CNTN1: variants seen among roughly 807,000 people sequenced by gnomAD.
CNTN1 encodes the protein contactin 1.
CNTN1 carries 38 observed loss-of-function variants against 126.4 expected under a neutral mutation model. That is an observed-to-expected ratio of 0.30 (90% CI 0.23 to 0.39). The LOEUF (loss-of-function observed/expected upper bound fraction) is 0.39. CNTN1 is among the 10% of genes least tolerant of loss of function. CNTN1 has a pLI of 1.00. For synonymous variants in CNTN1, 413 were observed against 422.6 expected (o/e 0.98, Z 0.28); for missense variants, 1,009 against 1,248.4 (o/e 0.81, Z 2.89).
chr12:40,873,453 A>G (rs1592188918), intron 1 of CNTN1, among the ~76,000 whole-genome samples: 1 of 152,320 alleles, frequency 6.6e-6, no homozygotes, highest in East Asian at 1.9e-4. Flanking sequence ...TTTGATTATA[A>G]CACATGTATT....
chr12:40,821,977 T>A (rs1390164922), intron 1 of CNTN1, among the ~76,000 whole-genome samples: 4 of 151,896 alleles, frequency 2.6e-5, no homozygotes, highest in African/African-American at 7.2e-5. Flanking sequence ...AAATCAAAAT[T>A]TGTGTTCCAC....
chr12:40,744,304 T>TTAAATA (rs1555149298), intron 1 of CNTN1, among the ~76,000 whole-genome samples: 1 of 145,802 alleles, frequency 6.9e-6, no homozygotes, highest in Non-Finnish European at 1.5e-5. Context: ...TTAAATTAAA[T>TTAAATA]AAAAAAAAAA....
At chr12:40,927,548 G>T (rs779535549) in intron 6 of CNTN1, among the ~76,000 whole-genome samples, 2 of 152,026 alleles carry the variant, frequency 1.3e-5, no homozygotes, top group Non-Finnish European at 2.9e-5. Context: ...TTTAAAAATG[G>T]CAAGAGCCAT....
chr12:41,007,145 C>T (rs887754830), intron 17 of CNTN1, among the ~76,000 whole-genome samples: 7 of 146,072 alleles, frequency 4.8e-5, no homozygotes, highest in East Asian at 2.0e-4. Context: ...CTGCAAGCTC[C>T]GCCTCCCGGG....
chr12:40,959,648 G>C (rs1947037417), intron 15 of CNTN1, among the ~76,000 whole-genome samples: 1 of 152,032 alleles, frequency 6.6e-6, no homozygotes, highest in South Asian at 2.1e-4. Flanking sequence ...TTGTCTTAGA[G>C]TGTAAAGTTA....
chr12:40,903,225 G>T (rs1321006904), intron 1 of CNTN1, among the ~76,000 whole-genome samples: 1 of 152,110 alleles, frequency 6.6e-6, no homozygotes, highest in Admixed American at 6.5e-5. Flanking sequence ...TGTACAAGAG[G>T]TCACAGGGCT....
At chr12:40,907,848 G>A (rs1490599786) in intron 1 of CNTN1, among the ~76,000 whole-genome samples, 1 of 152,138 alleles carries the variant, frequency 6.6e-6, no homozygotes, top group Non-Finnish European at 1.5e-5. Context: ...TTTTCCTTAA[G>A]CCACTAACAG....
In CNTN1 at chr12:40,935,944, A is replaced by G. The variant is rs151178194; in HGVS notation, c.986-837A>G. On this transcript the variant is annotated intron_variant, in intron 9 of 23. Coordinates refer to ENST00000551295, the MANE Select transcript of CNTN1 (RefSeq NM_001843.4). The stretch of plus-strand genomic sequence containing the variant: ...CATATATTGCTTTTGCCATAAAATT[A>G]ACACAAGTTCCCAGTTTCAAAGAAA... Among the ~76,000 whole-genome samples, 1,119 of 152,192 alleles carry G rather than the reference A, an allele frequency of 7.4e-3. 19 individuals carry two copies. Among genetic ancestry groups the G allele is most frequent in the African/African-American group, 0.025 (1,027 of 41,560 alleles).
At chr12:41,040,594 C>A (rs932803663) in intron 23 of CNTN1, among the ~76,000 whole-genome samples, 53 of 150,564 alleles carry the variant, frequency 3.5e-4, no homozygotes, top group Non-Finnish European at 2.1e-4. Context: ...TTTCATTGAG[C>A]AGTGGTTTGT....
intron 3 of CNTN1, among the ~76,000 whole-genome samples, chr12:40,912,673 G>A (rs1401614091): frequency 6.6e-6 from 1 of 151,720 alleles, no homozygotes; most frequent in East Asian, 1.9e-4. Flanking sequence ...CTGTAGGGAG[G>A]ACAGGTAGAA....
chr12:40,853,250 A>T (rs1044057305), intron 1 of CNTN1, among the ~76,000 whole-genome samples: 11 of 152,184 alleles, frequency 7.2e-5, no homozygotes, highest in African/African-American at 2.4e-4. Context: ...CCCTAAGAGC[A>T]AGAGGGAAGG....
chr12:41,030,637 T>A (rs1440657138), intron 23 of CNTN1, among the ~76,000 whole-genome samples: 10 of 152,180 alleles, frequency 6.6e-5, no homozygotes, highest in Middle Eastern at 3.4e-3. Flanking sequence ...CTCATTAAAG[T>A]TTTTTTCTAT....
At chr12:40,942,894 AAATGGATATAC>A (rs1566000523) in intron 12 of CNTN1, among the ~76,000 whole-genome samples, 4 of 152,244 alleles carry the variant, frequency 2.6e-5, no homozygotes, top group African/African-American at 9.6e-5. Flanking sequence ...TTTGCCCTTA[AAATGGATATAC>A]GTTTGCATGT....
At chr12:41,010,898 A>G (rs534275393) in intron 17 of CNTN1, among the ~76,000 whole-genome samples, 103 of 151,402 alleles carry the variant, frequency 6.8e-4, no homozygotes, top group Non-Finnish European at 1.0e-3. Context: ...TTCCCTTCCT[A>G]TCGGGAATGG....
intron 1 of CNTN1, among the ~76,000 whole-genome samples, chr12:40,735,692 G>C (rs1937644698): frequency 1.3e-5 from 2 of 152,076 alleles, no homozygotes; most frequent in Admixed American, 1.3e-4. Flanking sequence ...TTAAGATGAA[G>C]AGCTGTCAAA....
intron 3 of CNTN1, among the ~76,000 whole-genome samples, chr12:40,914,482 A>G (rs1432894393): frequency 6.6e-6 from 1 of 152,146 alleles, no homozygotes; most frequent in Non-Finnish European, 1.5e-5. Flanking sequence ...TAATTTCTAA[A>G]CCGTCAAACA....
intron 1 of CNTN1, among the ~76,000 whole-genome samples, chr12:40,774,743 G>T (rs1483552938): frequency 6.7e-6 from 1 of 150,084 alleles, no homozygotes; most frequent in Non-Finnish European, 1.5e-5. Flanking sequence ...TTTAAATTAT[G>T]CTTTTAGTCT....
chr12:40,934,972 A>G (rs1946029636), intron 9 of CNTN1, among the ~76,000 whole-genome samples: 1 of 151,930 alleles, frequency 6.6e-6, no homozygotes, highest in African/African-American at 2.4e-5. Context: ...ATTTCCTTGT[A>G]TAATCTTTCA....
In CNTN1 at chr12:40,871,179, T is replaced by C. The variant is rs374639315; in HGVS notation, c.-76-37178T>C. Among the ~76,000 whole-genome samples the C allele has an allele frequency of 6.0e-4, 79 of 132,456 alleles. 2 individuals are homozygous for C. In the East Asian group the frequency reaches 0.013, roughly 22 times the overall value. 86.9% of individuals were successfully genotyped at this position (132,456 alleles called of 152,430 possible). On this transcript the variant is annotated intron_variant, in intron 1 of 23. Transcript: ENST00000551295. ...ATCCCTAAGTAGTGACTTGGATCTG[T>C]TACAGAGAAAAAAAAAAAAAAAAAA...
Sources: allele counts gnomAD v4.1 joint callset (sites outside exome capture counted in the v4.1 genomes callset), GRCh38; gene constraint gnomAD v4.1.1; transcripts MANE v1.5; gene names NCBI Gene and HGNC (gene_info 2026-07-23, HGNC 2026-07-21).